EIF2AK3: variants seen among roughly 807,000 people sequenced by gnomAD.
The protein encoded by EIF2AK3 is eukaryotic translation initiation factor 2-alpha kinase 3.
A neutral mutation model predicts 113.5 loss-of-function variants in EIF2AK3; 50 were observed. The ratio of observed to expected loss-of-function variants is 0.44; its 90% CI spans 0.35 to 0.56. EIF2AK3 has a LOEUF of 0.56. EIF2AK3 is among the 20% of genes least tolerant of loss of function. The probability of loss-of-function intolerance (pLI) is 0.00; values close to 1 mark genes in which losing one functional copy is unlikely to be tolerated. For synonymous variants in EIF2AK3, 448 were observed against 495.4 expected, an observed-to-expected ratio of 0.90 and a Z score of 1.27; for missense variants, 1,185 against 1,378.0, an observed-to-expected ratio of 0.86 and a Z score of 2.22.
chr2:88,565,807 A>T (rs1168862389), intron 14 of EIF2AK3, among the ~76,000 whole-genome samples: 1 of 152,174 alleles, frequency 6.6e-6, no homozygotes, highest in Non-Finnish European at 1.5e-5. Context: ...ATGTATTTAT[A>T]GTATTTTGAT....
At chr2:88,606,459 T>C (rs1675281787) in intron 2 of EIF2AK3, among the ~76,000 whole-genome samples, 1 of 152,168 alleles carries the variant, frequency 6.6e-6, no homozygotes, top group African/African-American at 2.4e-5. Flanking sequence ...TTCATTTCTA[T>C]AATTAAAAGA....
intron 1 of EIF2AK3, among the ~76,000 whole-genome samples, chr2:88,625,406 C>T (rs1248271124): frequency 6.6e-6 from 1 of 152,062 alleles, no homozygotes; most frequent in East Asian, 1.9e-4. Context: ...AGTCCAGTGA[C>T]TTTCCATTAC....
chr2:88,626,756 G>T (rs1675869719), intron 1 of EIF2AK3, among the ~76,000 whole-genome samples: 1 of 152,244 alleles, frequency 6.6e-6, no homozygotes. Flanking sequence ...CCGTCGGCCA[G>T]CACCAGGCCC....
intron 1 of EIF2AK3, among the ~76,000 whole-genome samples, chr2:88,622,568 G>A (rs977861888): frequency 6.6e-6 from 1 of 152,236 alleles, no homozygotes; most frequent in African/African-American, 2.4e-5. Context: ...TTAAGCTAAA[G>A]ACAATTGCAG....
intron 14 of EIF2AK3, among the ~76,000 whole-genome samples, chr2:88,564,054 C>T (rs892963012): frequency 1.4e-4 from 22 of 152,180 alleles, no homozygotes; most frequent in East Asian, 7.7e-4. Flanking sequence ...GCCTCATGAA[C>T]GCATGAAAAG....
chr2:88,569,878 C>T (rs979351585), intron 14 of EIF2AK3, among the ~76,000 whole-genome samples: 1 of 152,094 alleles, frequency 6.6e-6, no homozygotes, highest in Non-Finnish European at 1.5e-5. Flanking sequence ...CATATCTGTG[C>T]GAGGCCAGAT....
At chr2:88,592,792 G>T (rs981889628) in intron 4 of EIF2AK3, among the ~76,000 whole-genome samples, 5 of 151,266 alleles carry the variant, frequency 3.3e-5, no homozygotes, top group African/African-American at 4.9e-5. Context: ...TCATTAACCT[G>T]AGACTAAACT....
At chr2:88,575,606 C>T (rs559337969) in intron 12 of EIF2AK3, 160 bp from the exon 13 acceptor site, 10 of 755,876 alleles carry the variant, frequency 1.3e-5, no homozygotes, top group Non-Finnish European at 2.2e-5. Flanking sequence ...ATGTGAGATA[C>T]AGAACATCAC....
intron 4 of EIF2AK3, among the ~76,000 whole-genome samples, chr2:88,592,211 CAT>C (rs1674904459): frequency 6.6e-6 from 1 of 151,808 alleles, no homozygotes; most frequent in Non-Finnish European, 1.5e-5. Context: ...TTTTTAATCA[CAT>C]ATTTAAATAT....
rs910102983 is a variant in EIF2AK3, at chr2:88,590,756, A to T, written c.1002+62T>A. ...GTAGTAATTTCGTTCCACCCAATCA[A>T]TAAGTTTGGTCAGACTGGGAGAGGA... is the stretch of plus-strand genomic sequence containing the variant. On this transcript the variant is annotated intron_variant, in intron 5 of 16. Transcript: ENST00000303236. 28 of 1,590,942 alleles carry T rather than the reference A, an allele frequency of 1.8e-5. No homozygotes were observed. In the African/African-American group the frequency reaches 3.8e-4, roughly 21 times the overall value.
At chr2:88,589,778 G>A (rs895519514) in intron 6 of EIF2AK3, among the ~76,000 whole-genome samples, 13 of 151,766 alleles carry the variant, frequency 8.6e-5, no homozygotes, top group African/African-American at 2.7e-4. Flanking sequence ...CTAACTCCTG[G>A]GGTCAAGCGA....
Position 88,570,913 on chromosome 2 carries a change from T to C in EIF2AK3, c.2946A>G (p.Thr982=). 1 of 1,614,162 alleles carries C rather than the reference T, an allele frequency of 6.2e-7. No homozygotes were observed. The highest frequency in any genetic ancestry group is 8.5e-7 in the Non-Finnish European group (1 of 1,180,018). ...LTPMPAYARH[T]GQVGTKLYMS... ...TATACAGTTTGGTCCCTACTTGTCC[T>C]GTGTGTCTGGCATAAGCTGGCATTG... Residue 982 remains threonine, a synonymous_variant, in exon 14 of 17, where the codon ACA becomes ACG. Coordinates refer to ENST00000303236, the MANE Select transcript of EIF2AK3 (RefSeq NM_004836.7).
intron 2 of EIF2AK3, among the ~76,000 whole-genome samples, chr2:88,596,145 C>T (rs1333106771): frequency 1.3e-5 from 2 of 152,184 alleles, no homozygotes; most frequent in Non-Finnish European, 2.9e-5. Context: ...AGGCCAATTA[C>T]TGTCATAGAC....
chr2:88,591,738 C>A (rs1333504121), intron 4 of EIF2AK3, among the ~76,000 whole-genome samples: 1 of 152,074 alleles, frequency 6.6e-6, no homozygotes, highest in South Asian at 2.1e-4. Flanking sequence ...TATAAAATGG[C>A]ATAGTTAAGA....
chr2:88,565,901 A>G (rs1674106323), intron 14 of EIF2AK3, among the ~76,000 whole-genome samples: 1 of 152,060 alleles, frequency 6.6e-6, no homozygotes, highest in South Asian at 2.1e-4. Context: ...GGGCCAATAG[A>G]TTTATTTTAT....
chr2:88,565,409 T>C (rs1042157381), intron 14 of EIF2AK3, among the ~76,000 whole-genome samples: 1 of 151,284 alleles, frequency 6.6e-6, no homozygotes, highest in Non-Finnish European at 1.5e-5. Context: ...GGCATGACCT[T>C]GGCTCACTGC....
chr2:88,568,289 C>T (rs1351389195), intron 14 of EIF2AK3, among the ~76,000 whole-genome samples: 1 of 152,148 alleles, frequency 6.6e-6, no homozygotes, highest in African/African-American at 2.4e-5. Context: ...AAAAGGTCTG[C>T]AAGGCCAAGA....
chr2:88,608,332 G>A (rs1675339941), intron 2 of EIF2AK3, among the ~76,000 whole-genome samples: 2 of 152,022 alleles, frequency 1.3e-5, no homozygotes, highest in South Asian at 2.1e-4. Context: ...TAGCTGGGAC[G>A]ACTACTCAGG....
intron 14 of EIF2AK3, among the ~76,000 whole-genome samples, chr2:88,565,372 A>C (rs1674084705): frequency 4.0e-5 from 5 of 125,334 alleles, no homozygotes; most frequent in East Asian, 2.4e-4. Flanking sequence ...AAGGGGTTTC[A>C]CTCTGTCACC....
Sources: allele counts gnomAD v4.1 joint callset (sites outside exome capture counted in the v4.1 genomes callset), GRCh38; gene constraint gnomAD v4.1.1; transcripts MANE v1.5; gene names NCBI Gene and HGNC (gene_info 2026-07-23, HGNC 2026-07-21).